PCGF3: variants seen among roughly 807,000 people sequenced by gnomAD.
The protein encoded by PCGF3 is polycomb group ring finger 3, also known as polycomb group RING finger protein 3.
In PCGF3, 7 loss-of-function variants were observed where a neutral mutation model predicts 33.1. That is an observed-to-expected ratio of 0.21 (90% CI 0.12 to 0.40). PCGF3 has a LOEUF of 0.40. PCGF3 is among the 10% of genes least tolerant of loss of function. The pLI, the probability that PCGF3 is intolerant of heterozygous loss-of-function variation, is 1.00. For missense variants in PCGF3, 211 were observed against 313.3 expected (o/e 0.67, Z 2.46); for synonymous variants, 153 against 121.3 (o/e 1.26, Z -1.72).
exon 11 of PCGF3, chr4:768,063 A>T (rs1422457898): frequency 3.9e-5 from 6 of 152,666 alleles, no homozygotes; most frequent in Non-Finnish European, 8.8e-5. Context: ...CATAATATAT[A>T]TTTGTAACTT....
At chr4:733,269 G>A (rs1743691666) in intron 3 of PCGF3, among the ~76,000 whole-genome samples, 1 of 152,230 alleles carries the variant, frequency 6.6e-6, no homozygotes, top group Non-Finnish European at 1.5e-5. Context: ...CCCAGAGCCT[G>A]CCCATCCTCA....
At chr4:726,019 CGT>C (rs1166274915) in intron 1 of PCGF3, among the ~76,000 whole-genome samples, 1 of 152,164 alleles carries the variant, frequency 6.6e-6, no homozygotes, top group African/African-American at 2.4e-5. Context: ...CCCCGTCCAC[CGT>C]GTGTCCATGG....
At position 743,344 on chromosome 4, in the gene PCGF3, T is replaced by A. The variant is rs1744175791; in HGVS notation, c.263-130T>A. On this transcript the variant is annotated intron_variant, in intron 6 of 10. Transcript: ENST00000362003. ...CCAAAACATCTCAGTCTTAATTTGC[T>A]GCTTTCTTATTAGTAGCCTTCAAAC... The A allele has an allele frequency of 9.5e-6, 6 of 629,356 alleles. No individual in the cohort carries two copies. In the East Asian group the frequency reaches 1.7e-4, roughly 18 times the overall value. 39.0% of individuals were successfully genotyped at this position (629,356 alleles called of 1,614,324 possible). A position where few individuals can be genotyped will look rare whatever the true frequency, so the allele number is the denominator to read the frequency against.
At chr4:729,938 C>T (rs1431175305) in intron 1 of PCGF3, among the ~76,000 whole-genome samples, 1 of 152,152 alleles carries the variant, frequency 6.6e-6, no homozygotes, top group South Asian at 2.1e-4. Flanking sequence ...CCGAGGTTCC[C>T]GGGGAAGCAC....
intron 1 of PCGF3, among the ~76,000 whole-genome samples, chr4:718,357 G>T (rs1268981170): frequency 6.6e-6 from 1 of 152,122 alleles, no homozygotes; most frequent in African/African-American, 2.4e-5. Flanking sequence ...CTGCAGGCCT[G>T]CGGGGCCTGG....
At chr4:765,541 C>G (rs1745319325) in intron 10 of PCGF3, among the ~76,000 whole-genome samples, 1 of 152,192 alleles carries the variant, frequency 6.6e-6, no homozygotes, top group African/African-American at 2.4e-5. Context: ...GCCAGCTGAG[C>G]TGCGAAGGGC....
exon 11 of PCGF3, chr4:766,114 G>C (rs777184152): frequency 1.9e-6 from 3 of 1,600,132 alleles, no homozygotes; most frequent in Non-Finnish European, 2.6e-6. Context: ...CTGGGCCCTC[G>C]CACCCTTGGG....
At chr4:744,604 A>C (rs764421125) in exon 8 of PCGF3, 4 of 1,555,876 alleles carry the variant, frequency 2.6e-6, no homozygotes, top group Non-Finnish European at 3.5e-6. Context: ...TAAAAGGTGA[A>C]ACCAAAGCAG....
chr4:767,546 G>A (rs1745436598), exon 11 of PCGF3: 1 of 152,216 alleles, frequency 6.6e-6, no homozygotes, highest in Non-Finnish European at 1.5e-5. Context: ...CCACCTTGGA[G>A]ATTTTTTTTC....
chr4:737,600 C>G lies in PCGF3; in HGVS notation c.262+79C>G, dbSNP rs1187882836. The stretch of plus-strand genomic sequence containing the variant: ...CCCCTGCTCTCCTGGAAGTTTGGTT[C>G]TCGGATGGGAGGCCCCTTTCCTTTT... On this transcript the variant is annotated intron_variant, in intron 6 of 10. Coordinates refer to ENST00000362003, the Ensembl canonical transcript of PCGF3. 6.7e-6 allele frequency: 6 copies of G among 889,344 alleles called. No homozygotes were observed. In the East Asian group the frequency reaches 1.4e-4, roughly 21 times the overall value. The allele number at this position is 889,344 out of a possible 1,614,324, so 55.1% of individuals were successfully genotyped here.
At chr4:707,788 GCT>G (rs1159698065) in intron 1 of PCGF3, among the ~76,000 whole-genome samples, 5 of 122,152 alleles carry the variant, frequency 4.1e-5, no homozygotes, top group African/African-American at 1.2e-4. Flanking sequence ...CCCTGGGACA[GCT>G]CTGTTTTCCC....
At chr4:739,641 T>C (rs1301445814) in intron 6 of PCGF3, among the ~76,000 whole-genome samples, 1 of 152,256 alleles carries the variant, frequency 6.6e-6, no homozygotes, top group African/African-American at 2.4e-5. Flanking sequence ...AGCCCGCTTC[T>C]GGGCATCCAT....
intron 1 of PCGF3, among the ~76,000 whole-genome samples, chr4:718,090 G>A (rs1241239759): frequency 4.6e-5 from 7 of 152,190 alleles, no homozygotes; most frequent in Non-Finnish European, 8.8e-5. Context: ...GCTCAGAGGT[G>A]TCTGGGGCTC....
chr4:758,655 T>C (rs373397462), intron 8 of PCGF3, among the ~76,000 whole-genome samples: 57 of 58,802 alleles, frequency 9.7e-4, no homozygotes, highest in South Asian at 5.0e-3. Context: ...GTTCTTCTCC[T>C]TCCGGACTCC....
chr4:749,733 C>A (rs1744432137), intron 8 of PCGF3, among the ~76,000 whole-genome samples: 1 of 152,146 alleles, frequency 6.6e-6, no homozygotes, highest in East Asian at 1.9e-4. Flanking sequence ...GATCCACCTG[C>A]CTCGGCTTCC....
At chr4:722,856 C>T (rs1577403014) in intron 1 of PCGF3, among the ~76,000 whole-genome samples, 2 of 87,010 alleles carry the variant, frequency 2.3e-5, no homozygotes, top group African/African-American at 1.0e-4. Context: ...CTCGCGACAT[C>T]GCCATCCACG....
intron 5 of PCGF3, 88 bp downstream of exon 5, chr4:735,115 G>A: frequency 6.4e-6 from 9 of 1,403,124 alleles, no homozygotes; most frequent in Non-Finnish European, 8.8e-6. Flanking sequence ...CATTAGCGCT[G>A]TACTCCCATC....
chr4:713,555 G>GTGGCCTGGTGGGGGCTA (rs1190072963), intron 1 of PCGF3, among the ~76,000 whole-genome samples: 2 of 151,618 alleles, frequency 1.3e-5, no homozygotes, highest in Non-Finnish European at 2.9e-5. Flanking sequence ...CGTCAGGGCT[G>GTGGCCTGGTGGGGGCTA]TGGCCTCATG....
chr4:755,136 G>A (rs913647045), intron 8 of PCGF3, among the ~76,000 whole-genome samples: 14 of 152,248 alleles, frequency 9.2e-5, no homozygotes, highest in Middle Eastern at 3.2e-3. Context: ...GCGTGGTGTC[G>A]CAGAGCACAC....
Sources: gnomAD v4.1 joint callset for allele counts (sites outside exome capture counted in the v4.1 genomes callset) on GRCh38, gnomAD v4.1.1 for gene constraint, MANE v1.5 for transcripts, NCBI Gene and HGNC (gene_info 2026-07-23, HGNC 2026-07-21) for gene names.